The following VGF variants were observed in gnomAD, a reference collection of about 807,000 sequenced individuals.
VGF encodes the protein VGF nerve growth factor inducible, also known as neurosecretory protein VGF.
In VGF, 13 loss-of-function variants were observed where a neutral mutation model predicts 41.1. That is an observed-to-expected ratio of 0.32 (90% CI 0.21 to 0.50). The LOEUF (loss-of-function observed/expected upper bound fraction) is 0.50, where lower values mean the gene tolerates loss of function less well. Ranked by LOEUF, VGF falls within the 20% of genes least tolerant of loss-of-function variation. The pLI is 0.98. For synonymous variants in VGF, 473 were observed against 418.3 expected, an observed-to-expected ratio of 1.13 and a Z score of -1.60; for missense variants, 920 against 882.1, an observed-to-expected ratio of 1.04 and a Z score of -0.54.
intron 1 of VGF, 83 bp downstream of exon 1, chr7:101,165,291 C>G (rs1019532794): frequency 2.0e-6 from 2 of 987,660 alleles, no homozygotes; most frequent in Non-Finnish European, 2.4e-6. Context: ...GTTTGCAACA[C>G]CCCCATCGAG....
In VGF at chr7:101,163,156, C is replaced by T; in HGVS notation, c.1688G>A (p.Arg563His). ...CGGCAAGGCGTGGTGGTAGTGGCGG[C>T]GGCGCAAGGCCGAGGGCGGCTGCAG... Reference protein sequence around the residue: ...RTLQPPSALRRRHYHHALPPS... With the variant: ...RTLQPPSALRHRHYHHALPPS... The change falls in exon 2 of 2, where the codon CGC (arginine) becomes CAC (histidine). Residue 563 changes from arginine to histidine, a missense_variant. Arg to His is a conservative substitution (Grantham distance 29, BLOSUM62 0). Around this residue, in one of 3 missense-constraint regions of VGF, gnomAD observed 257 missense variants for 217.2 expected, o/e 1.18. Transcript: ENST00000249330. This position sits in a 1 kb window ranked among gnomAD's most constrained non-coding sequence, Gnocchi z 5.0. 1.3e-6 allele frequency: 2 copies of T among 1,573,150 alleles called. No homozygotes were observed. The highest frequency in any genetic ancestry group is 1.8e-5 in the Admixed American group (1 of 55,136).
Position 101,164,326 on chromosome 7 carries a change from C to A in VGF, c.518G>T (p.Ser173Ile). ...CGCCGTCTCCTGCTGGCGCTTGGCG[C>A]TACTTGGACTGAAATCTCGCAGTTC... ...LQELRDFSPSSAKRQQETAAA... is the reference protein window; with the variant it reads ...LQELRDFSPSIAKRQQETAAA... The change falls in exon 2 of 2, where the codon AGC becomes ATC. Residue 173 changes from serine to isoleucine, a missense_variant. Physicochemically the swap from Ser to Ile is moderately radical, Grantham distance 142. Around this residue, in one of 3 missense-constraint regions of VGF, gnomAD observed 654 missense variants for 638.4 expected, o/e 1.02. Transcript: ENST00000249330. 6.2e-7 allele frequency: 1 copy of A among 1,611,404 alleles called. No individual in the cohort carries two copies. Among genetic ancestry groups the A allele is most frequent in the African/African-American group, 1.3e-5 (1 of 75,066 alleles).
chr7:101,169,922 G>A (rs1408756949), upstream of VGF, among the ~76,000 whole-genome samples: 1 of 152,236 alleles, frequency 6.6e-6, no homozygotes, highest in Non-Finnish European at 1.5e-5. Context: ...AAACCACCTT[G>A]TGCTGCCTTG....
chr7:101,164,968 T>C (rs1474098868), intron 1 of VGF, 105 bp from the exon 2 acceptor site: 6 of 1,417,438 alleles, frequency 4.2e-6, no homozygotes, highest in East Asian at 2.6e-5. Context: ...GGGGCTTCCC[T>C]GATCCCCCAA....
upstream of VGF, among the ~76,000 whole-genome samples, chr7:101,167,307 A>G (rs1797236562): frequency 2.6e-5 from 4 of 152,132 alleles, no homozygotes; most frequent in Admixed American, 2.6e-4. This position sits in a 1 kb window ranked among gnomAD's most constrained non-coding sequence, Gnocchi z 4.2. Context: ...GAATGAAGGG[A>G]TCTGGAACAG....
chr7:101,162,902 G>A lies in VGF; in HGVS notation c.*94C>T. 1 of 700,294 alleles carries A rather than the reference G, an allele frequency of 1.4e-6. No individual in the cohort carries two copies. Among genetic ancestry groups the A allele is most frequent in the South Asian group, 1.9e-5 (1 of 52,830 alleles). 43.4% of individuals were successfully genotyped at this position (700,294 alleles called of 1,614,324 possible). ...CAGGGCCAAGGGGCAGGGCCGGGGC[G>A]CATGCAAACACCGAGGGGGAGCGGG... On this transcript the variant is annotated 3_prime_UTR_variant, in exon 2 of 2. Transcript: ENST00000249330. This position sits in a 1 kb window ranked among gnomAD's most constrained non-coding sequence, Gnocchi z 4.2.
upstream of VGF, among the ~76,000 whole-genome samples, chr7:101,168,456 G>T (rs1797256126): frequency 6.6e-6 from 1 of 152,102 alleles, no homozygotes; most frequent in Admixed American, 6.5e-5. Flanking sequence ...ATACCCTGCT[G>T]CCTCTAGGGG....
At position 101,163,039 on chromosome 7, in the gene VGF, T is replaced by C; in HGVS notation, c.1805A>G (p.Glu602Gly). ...CACGTGCTCGATGTAATTCTCCAGC[T>C]CCTCCTGCTCCTGCAGCCGGCGCTC... ...AEERRLQEQE[E>G]LENYIEHVLL... is the part of the protein sequence containing the mutation. The change falls in exon 2 of 2, where the codon GAG becomes GGG. Residue 602 changes from glutamate to glycine, a missense_variant. By Grantham distance (98) the Glu-to-Gly change is moderately conservative (BLOSUM62 -2). This residue lies in a region of VGF where 257 missense variants were observed against 217.2 expected (regional missense o/e 1.18). Transcript: ENST00000249330. The surrounding 1 kb of genome is among the most constrained non-coding windows in gnomAD (Gnocchi z 5.0). The C allele has an allele frequency of 6.4e-7, 1 of 1,566,568 alleles. No homozygotes were observed. Among genetic ancestry groups the C allele is most frequent in the Non-Finnish European group, 8.6e-7 (1 of 1,161,412 alleles).
Position 101,164,179 on chromosome 7 carries a change from G to A in VGF, c.665C>T (p.Pro222Leu), listed in dbSNP as rs1797173151. 1.3e-6 allele frequency: 2 copies of A among 1,515,010 alleles called. No homozygotes were observed. The highest frequency in any genetic ancestry group is 2.6e-5 in the South Asian group (2 of 78,288). The allele number at this position is 1,515,010 out of a possible 1,614,324, so 93.8% of individuals were successfully genotyped here. ...EFQARVPERA[P>L]LPPPAPSQFQ... ...TTGAGAGGGGGCCGGGGGCGGCAGG[G>A]GCGCGCGCTCCGGGACACGCGCCTG... The change falls in exon 2 of 2, where the codon CCC (proline) becomes CTC (leucine). Residue 222 changes from proline to leucine, a missense_variant. Pro to Leu is a moderately conservative substitution (Grantham distance 98). Around this residue, in one of 3 missense-constraint regions of VGF, gnomAD observed 654 missense variants for 638.4 expected, o/e 1.02. Transcript: ENST00000249330.
Position 101,163,368 on chromosome 7 carries a change from C to T in VGF, c.1476G>A (p.Pro492=). The T allele has an allele frequency of 2.0e-6, 3 of 1,530,294 alleles. No individual in the cohort carries two copies. Among genetic ancestry groups the T allele is most frequent in the Non-Finnish European group, 2.6e-6 (3 of 1,143,300 alleles). The allele number at this position is 1,530,294 out of a possible 1,614,324, so 94.8% of individuals were successfully genotyped here. A position where few individuals can be genotyped will look rare whatever the true frequency, so the allele number is the denominator to read the frequency against. ...RKKNAPPEPV[P]PPRAAPAPTH... The stretch of plus-strand genomic sequence containing the variant: ...TGGGGGCGGGGGCGGCACGGGGGGG[C>T]GGCACGGGCTCGGGAGGGGCGTTCT... Residue 492 remains proline (P), a synonymous_variant, in exon 2 of 2, where the codon CCG becomes CCA. Transcript: ENST00000249330. This position sits in a 1 kb window ranked among gnomAD's most constrained non-coding sequence, Gnocchi z 5.0.
In VGF at chr7:101,163,329, G is replaced by A; in HGVS notation, c.1515C>T (p.Ser505=). The A allele has an allele frequency of 7.2e-7, 1 of 1,391,212 alleles. No homozygotes were observed. The highest frequency in any genetic ancestry group is 9.5e-7 in the Non-Finnish European group (1 of 1,055,328). 86.2% of individuals were successfully genotyped at this position (1,391,212 alleles called of 1,614,324 possible). A position where few individuals can be genotyped will look rare whatever the true frequency, so the allele number is the denominator to read the frequency against. The change falls in exon 2 of 2, where the codon TCC becomes TCT. Residue 505 remains serine, a synonymous_variant. Transcript: ENST00000249330. The surrounding 1 kb of genome is among the most constrained non-coding windows in gnomAD (Gnocchi z 5.0). ...RAAPAPTHVR[S]PQPPPPAPAP... ...CGGGGGCGGGGGGCGGGGGCTGCGG[G>A]GAGCGGACGTGGGTGGGGGCGGGGG...
chr7:101,167,486 C>T (rs1211050427), upstream of VGF, among the ~76,000 whole-genome samples: 2 of 152,188 alleles, frequency 1.3e-5, no homozygotes, highest in Non-Finnish European at 2.9e-5. The surrounding 1 kb of genome is among the most constrained non-coding windows in gnomAD (Gnocchi z 4.2). Context: ...CCCCATGTCC[C>T]CTTCATCTTC....
upstream of VGF, among the ~76,000 whole-genome samples, chr7:101,166,344 G>T (rs748711837): frequency 1.3e-5 from 2 of 152,206 alleles, no homozygotes; most frequent in Non-Finnish European, 2.9e-5. Context: ...GGAGAAAAAG[G>T]TGTGTCTGTC....
rs1464030277 is a variant in VGF at position 101,164,187 on chromosome 7, C to T, written c.657G>A (p.Glu219=). 6.6e-7 allele frequency: 1 copy of T among 1,521,938 alleles called. No individual in the cohort carries two copies. Among genetic ancestry groups the T allele is most frequent in the Non-Finnish European group, 8.8e-7 (1 of 1,140,268 alleles). The allele number at this position is 1,521,938 out of a possible 1,614,324, so 94.3% of individuals were successfully genotyped here. A position where few individuals can be genotyped will look rare whatever the true frequency, so the allele number is the denominator to read the frequency against. Residue 219 remains glutamate, a synonymous_variant, in exon 2 of 2, where the codon GAG becomes GAA. Coordinates refer to ENST00000249330, the MANE Select transcript of VGF (RefSeq NM_003378.4). The stretch of plus-strand genomic sequence containing the variant: ...GGGCCGGGGGCGGCAGGGGCGCGCG[C>T]TCCGGGACACGCGCCTGGAACTCTC... ...SWGEFQARVP[E]RAPLPPPAPS... is the part of the protein sequence containing the mutation.
chr7:101,163,925 C>A lies in VGF; in HGVS notation c.919G>T (p.Gly307Trp). ...CGCGTGGCCTCCGCCTGCCGCCGCCCGGCCTCCACCTGCGCCAGCCCTTGC... is the reference window on the plus strand; with the variant it reads ...CGCGTGGCCTCCGCCTGCCGCCGCCAGGCCTCCACCTGCGCCAGCCCTTGC... Reference protein sequence around the residue: ...LQQGLAQVEAGRRQAEATRQA... With the variant: ...LQQGLAQVEAWRRQAEATRQA... The change falls in exon 2 of 2, where the codon GGG (glycine) becomes TGG (tryptophan). Residue 307 changes from glycine (G) to tryptophan (W), a missense_variant. Physicochemically the swap from Gly to Trp is radical, Grantham distance 184. Transcript: ENST00000249330. The surrounding 1 kb of genome is among the most constrained non-coding windows in gnomAD (Gnocchi z 5.0). The A allele has an allele frequency of 6.9e-7, 1 of 1,458,284 alleles. No individual in the cohort carries two copies. The highest frequency in any genetic ancestry group is 9.0e-7 in the Non-Finnish European group (1 of 1,117,266). The allele number at this position is 1,458,284 out of a possible 1,614,324, so 90.3% of individuals were successfully genotyped here. A position where few individuals can be genotyped will look rare whatever the true frequency, so the allele number is the denominator to read the frequency against.
In VGF at chr7:101,162,629, G is replaced by C. The variant is rs1797124917; in HGVS notation, c.*367C>G. The C allele has an allele frequency of 1.1e-5, 4 of 350,656 alleles. No individual in the cohort carries two copies. Among genetic ancestry groups the C allele is most frequent in the Non-Finnish European group, 2.2e-5 (4 of 179,646 alleles). 21.7% of individuals were successfully genotyped at this position (350,656 alleles called of 1,614,324 possible). ...CGACTTGGAGAGGCTGGAGGGGCTC[G>C]TGGGAGGCCCGAAGGGCTGGAGACA... On this transcript the variant is annotated 3_prime_UTR_variant, in exon 2 of 2. Coordinates refer to ENST00000249330, the MANE Select transcript of VGF (RefSeq NM_003378.4). This position sits in a 1 kb window ranked among gnomAD's most constrained non-coding sequence, Gnocchi z 4.2.
chr7:101,167,136 C>T (rs1797234466), upstream of VGF, among the ~76,000 whole-genome samples: 1 of 152,182 alleles, frequency 6.6e-6, no homozygotes, highest in African/African-American at 2.4e-5. The surrounding 1 kb of genome is among the most constrained non-coding windows in gnomAD (Gnocchi z 4.2). Flanking sequence ...CCTCCCTACA[C>T]ACACACTCAC....
chr7:101,163,550 C>T lies in VGF; in HGVS notation c.1294G>A (p.Ala432Thr), dbSNP rs1797155045. 2 of 1,597,726 alleles carry T rather than the reference C, an allele frequency of 1.3e-6. No individual in the cohort carries two copies. The highest frequency in any genetic ancestry group is 1.7e-4 in the Middle Eastern group (1 of 6,022). The change falls in exon 2 of 2, where the codon GCC becomes ACC. Residue 432 changes from alanine to threonine, a missense_variant. Ala to Thr is a moderately conservative substitution (Grantham distance 58). Coordinates refer to ENST00000249330, the MANE Select transcript of VGF (RefSeq NM_003378.4). The surrounding 1 kb of genome is among the most constrained non-coding windows in gnomAD (Gnocchi z 5.0). ...TCCCCGCCCTCCTCTGTCCCCTCGG[C>T]CTCCTTCCGCCGGTGGCCCGGCGTC... ...EETPGHRRKE[A>T]EGTEEGGEEE...
upstream of VGF, among the ~76,000 whole-genome samples, chr7:101,169,413 C>A (rs1397900103): frequency 6.6e-6 from 1 of 152,176 alleles, no homozygotes; most frequent in East Asian, 1.9e-4. Flanking sequence ...CCTCCTTCAA[C>A]TTCCACCTGT....
Sources: gnomAD v4.1 joint callset for allele counts (sites outside exome capture counted in the v4.1 genomes callset) on GRCh38, gnomAD v4.1.1 for gene constraint, gnomAD v4.1.1 regional missense constraint, Gnocchi (gnomAD v3.1) non-coding constraint, MANE v1.5 for transcripts, NCBI Gene and HGNC (gene_info 2026-07-23, HGNC 2026-07-21) for gene names.